The following FAM156A variants were observed in gnomAD, a reference collection of about 807,000 sequenced individuals.
FAM156A encodes protein FAM156A/FAM156B.
chrX:52,988,245 C>CA (rs60628809), intron 1 of FAM156A, among the ~76,000 whole-genome samples: 15,325 of 77,569 alleles, frequency 0.2, 1,070 homozygotes, highest in Middle Eastern at 0.31. Flanking sequence ...GACTCTGTCT[C>CA]AAAAAAAAAA....
chrX:52,979,802 G>A (rs1208635396), intron 1 of FAM156A, among the ~76,000 whole-genome samples: 2 of 112,281 alleles, frequency 1.8e-5, no homozygotes, highest in African/African-American at 3.2e-5. Context: ...CAAGGTTCCC[G>A]CAACCCCTCC....
chrX:52,987,907 A>G (rs1930408371), intron 1 of FAM156A, among the ~76,000 whole-genome samples: 2 of 112,043 alleles, frequency 1.8e-5, no homozygotes, highest in African/African-American at 6.5e-5. Flanking sequence ...ATACAATGGA[A>G]TATTATTCAG....
chrX:52,994,076 C>A (rs1556796165), intron 1 of FAM156A, among the ~76,000 whole-genome samples: 1 of 110,879 alleles, frequency 9.0e-6, no homozygotes, highest in African/African-American at 3.3e-5. Context: ...ACCCATAGTT[C>A]CTGGACCGAG....
At chrX:52,991,367 G>A (rs782178884) in intron 1 of FAM156A, among the ~76,000 whole-genome samples, 39 of 111,189 alleles carry the variant, frequency 3.5e-4, no homozygotes, top group African/African-American at 1.0e-3. Context: ...CCAGAAGACA[G>A]CAAATTCCCC....
At chrX:52,990,797 G>GAAAGAAAAGAAA (rs782204206) in intron 1 of FAM156A, among the ~76,000 whole-genome samples, 3,215 of 69,577 alleles carry the variant, frequency 0.046, 87 homozygotes, top group Middle Eastern at 0.073. Flanking sequence ...GAAAAGAAAA[G>GAAAGAAAAGAAA]AAAGAAAAGA....
At chrX:52,986,576 G>A (rs1053417628) in intron 1 of FAM156A, among the ~76,000 whole-genome samples, 3 of 108,735 alleles carry the variant, frequency 2.8e-5, no homozygotes, top group Non-Finnish European at 5.7e-5. Context: ...TTAATATACC[G>A]AAAAAAAACT....
intron 1 of FAM156A, among the ~76,000 whole-genome samples, chrX:52,990,505 C>CA (rs1930620305): frequency 9.0e-6 from 1 of 111,277 alleles, no homozygotes. Flanking sequence ...TAGCTCTGGC[C>CA]AGGTACGGTG....
intron 1 of FAM156A, among the ~76,000 whole-genome samples, chrX:52,988,284 A>T (rs1285474424): frequency 9.0e-6 from 1 of 111,261 alleles, no homozygotes; most frequent in Non-Finnish European, 1.9e-5. Context: ...AAAGGAAAAG[A>T]AAAGAAAAGA....
intron 1 of FAM156A, among the ~76,000 whole-genome samples, chrX:52,994,360 C>T (rs1310271121): frequency 2.7e-5 from 3 of 109,342 alleles, no homozygotes; most frequent in Non-Finnish European, 5.7e-5. Flanking sequence ...TAGACAGAGA[C>T]CCCCCCCAAA....
chrX:52,986,092 T>G (rs1462695339), intron 1 of FAM156A, among the ~76,000 whole-genome samples: 1 of 110,616 alleles, frequency 9.0e-6, no homozygotes, highest in Non-Finnish European at 1.9e-5. Context: ...CATGTGCATG[T>G]GTCTTTGTAG....
At chrX:52,974,445 T>C (rs1929290406) in intron 1 of FAM156A, among the ~76,000 whole-genome samples, 1 of 111,877 alleles carries the variant, frequency 8.9e-6, no homozygotes, top group African/African-American at 3.3e-5. Context: ...ACCTAGAACA[T>C]AGTTGAGGCT....
At chrX:52,978,911 G>A (rs782370010) in intron 1 of FAM156A, among the ~76,000 whole-genome samples, 1 of 112,264 alleles carries the variant, frequency 8.9e-6, no homozygotes, top group South Asian at 3.7e-4. Context: ...GCTCAGACAC[G>A]TTTCCATGAA....
chrX:52,990,817 A>AAAAGAAAAGT (rs1930697236), intron 1 of FAM156A, among the ~76,000 whole-genome samples: 1 of 101,983 alleles, frequency 9.8e-6, no homozygotes, highest in African/African-American at 3.8e-5. Flanking sequence ...AAAAGAAAAG[A>AAAAGAAAAGT]AAAGAAAAGA....
At chrX:52,975,618 G>A (rs1427941515) in intron 1 of FAM156A, among the ~76,000 whole-genome samples, 2 of 111,615 alleles carry the variant, frequency 1.8e-5, no homozygotes, top group Non-Finnish European at 3.8e-5. Flanking sequence ...GTCACTGGGG[G>A]AGCGTTGAGT....
chrX:52,980,655 G>A (rs12856480), intron 1 of FAM156A, among the ~76,000 whole-genome samples: 1 of 111,918 alleles, frequency 8.9e-6, no homozygotes, highest in Non-Finnish European at 1.9e-5. Flanking sequence ...GCAGTCTGCA[G>A]AGGGTGGGAG....
chrX:52,994,359 AC>A (rs1243945488), intron 1 of FAM156A, among the ~76,000 whole-genome samples: 21 of 108,095 alleles, frequency 1.9e-4, no homozygotes, highest in African/African-American at 4.4e-4. Context: ...CTAGACAGAG[AC>A]CCCCCCCAAA....
Sources: gnomAD v4.1 joint callset for allele counts (sites outside exome capture counted in the v4.1 genomes callset) on GRCh38, gnomAD v4.1.1 for gene constraint, MANE v1.5 for transcripts, NCBI Gene and HGNC (gene_info 2026-07-23, HGNC 2026-07-21) for gene names.